The following RDH10 variants were observed in gnomAD, a reference collection of about 807,000 sequenced individuals.
RDH10 encodes the protein retinol dehydrogenase 10 (all-trans).
In RDH10, 12 loss-of-function variants were observed where a neutral mutation model predicts 30.2. The observed-to-expected ratio is 0.40, with a 90% CI of 0.25 to 0.64. The LOEUF is 0.64. RDH10 is among the 30% of genes least tolerant of loss of function. The pLI, the probability that RDH10 is intolerant of heterozygous loss-of-function variation, is 0.43. For missense variants in RDH10, 268 were observed against 445.2 expected, an observed-to-expected ratio of 0.60 and a Z score of 3.58; for synonymous variants, 189 against 172.2, an observed-to-expected ratio of 1.10 and a Z score of -0.76.
intron 2 of RDH10, among the ~76,000 whole-genome samples, chr8:73,304,139 T>G (rs1390447171): frequency 6.6e-6 from 1 of 152,226 alleles, no homozygotes; most frequent in Non-Finnish European, 1.5e-5. Context: ...TTTGTCGTGC[T>G]TCTCTGTCTG....
At position 73,305,504 on chromosome 8, in the gene RDH10, A is replaced by G. The variant is rs1396440039; in HGVS notation, c.525+8075A>G. Among the ~76,000 whole-genome samples the G allele has an allele frequency of 1.3e-5, 2 of 152,194 alleles. 1 individual carries two copies. The highest frequency in any genetic ancestry group is 4.1e-4 in the South Asian group (2 of 4,826). ...CTCTTTCAATTATGGTAAGTAGTCT[A>G]TTTGCATGTGTCTAATCCAGATGTC... On this transcript the variant is annotated intron_variant, in intron 2 of 5. Transcript: ENST00000240285.
chr8:73,298,916 G>A (rs1200327912), intron 2 of RDH10, among the ~76,000 whole-genome samples: 1 of 152,198 alleles, frequency 6.6e-6, no homozygotes, highest in Non-Finnish European at 1.5e-5. Context: ...CCAGGTTCAA[G>A]CAATTCTCCT....
At chr8:73,312,395 G>A (rs1005119186) in intron 2 of RDH10, 8 of 152,224 alleles carry the variant, frequency 5.3e-5, no homozygotes, top group African/African-American at 1.9e-4. Flanking sequence ...AACATCAGCA[G>A]TTAGTACTTA....
At chr8:73,316,542 CAT>C (rs376825930) in intron 2 of RDH10, among the ~76,000 whole-genome samples, 55 of 152,228 alleles carry the variant, frequency 3.6e-4, no homozygotes, top group African/African-American at 1.2e-3. Context: ...CAAGCTGAAA[CAT>C]GTGTCTCTCT....
intron 2 of RDH10, among the ~76,000 whole-genome samples, chr8:73,301,039 A>ATTTTTTTTTTTTTTTTTTTTT (rs1563547188): frequency 1.0e-5 from 1 of 98,800 alleles, no homozygotes; most frequent in African/African-American, 4.0e-5. Flanking sequence ...ACAAAACTCT[A>ATTTTTTTTTTTTTTTTTTTTT]TTCTTTTTTT....
intron 2 of RDH10, among the ~76,000 whole-genome samples, chr8:73,309,492 A>G (rs1166686936): frequency 6.6e-6 from 1 of 152,152 alleles, no homozygotes; most frequent in African/African-American, 2.4e-5. Flanking sequence ...AATATATCAG[A>G]CTTGTTGGAT....
At chr8:73,299,242 G>A (rs917768709) in intron 2 of RDH10, among the ~76,000 whole-genome samples, 2 of 152,222 alleles carry the variant, frequency 1.3e-5, no homozygotes, top group Non-Finnish European at 2.9e-5. Context: ...CTTGCCTGTA[G>A]GTGTGTGTTG....
intron 2 of RDH10, among the ~76,000 whole-genome samples, chr8:73,305,270 T>A (rs566707344): frequency 4.1e-4 from 63 of 152,358 alleles, no homozygotes; most frequent in African/African-American, 1.4e-3. Flanking sequence ...ATTTTTGAGA[T>A]CTTTGGGAAA....
Position 73,320,463 on chromosome 8 carries a change from GTTTTTGTTTTTGTT to G in RDH10, c.625-463_625-450del, listed in dbSNP as rs749179668. Among the ~76,000 whole-genome samples, 711 of 126,020 alleles carry G rather than the reference GTTTTTGTTTTTGTT, an allele frequency of 5.6e-3. 5 individuals are homozygous for G. Among genetic ancestry groups the G allele is most frequent in the South Asian group, 0.018 (74 of 4,094 alleles). The allele number at this position is 126,020 out of a possible 152,430, so 82.7% of individuals were successfully genotyped here. ...GTGTTTTTTTTTTGTTTTTGTTTTT[GTTTTTGTTTTTGTT>G]TTTTTTTTTTTGAGACAGAGTCTCA... is the stretch of plus-strand genomic sequence containing the variant. On this transcript the variant is annotated intron_variant, in intron 3 of 5. Transcript: ENST00000240285.
chr8:73,315,001 A>G (rs1170264703), intron 2 of RDH10, among the ~76,000 whole-genome samples: 1 of 152,230 alleles, frequency 6.6e-6, no homozygotes, highest in Non-Finnish European at 1.5e-5. Flanking sequence ...ACAACCAGCC[A>G]GCATGTGTCG....
chr8:73,309,562 A>G (rs1014224245), intron 2 of RDH10, among the ~76,000 whole-genome samples: 3 of 149,660 alleles, frequency 2.0e-5, no homozygotes, highest in Non-Finnish European at 4.4e-5. Context: ...GGTTTGAAGT[A>G]TAGAAACTAA....
chr8:73,305,290 A>G (rs1057264561), intron 2 of RDH10, among the ~76,000 whole-genome samples: 15 of 152,232 alleles, frequency 9.9e-5, no homozygotes, highest in Non-Finnish European at 2.9e-5. Flanking sequence ...ATTCTAATGA[A>G]TCGGTTTTAG....
rs138161222 is a variant in RDH10, at chr8:73,295,818, G to C, written c.289+240G>C. On this transcript the variant is annotated intron_variant, in intron 1 of 5. Transcript: ENST00000240285. Reference sequence around the variant, plus strand: ...GGTTCGGTCTCTGGGGACCACGGCGGGGGGAGGGGGCGGGTTTCCTAAGCC... The same window carrying C: ...GGTTCGGTCTCTGGGGACCACGGCGCGGGGAGGGGGCGGGTTTCCTAAGCC... 1.4e-3 allele frequency: 1,643 copies of C among 1,216,768 alleles called. 52 individuals carry two copies. In the South Asian group the frequency reaches 0.04, roughly 30 times the overall value. The allele number at this position is 1,216,768 out of a possible 1,614,324, so 75.4% of individuals were successfully genotyped here.
chr8:73,323,050 T>C lies in RDH10; in HGVS notation c.*14T>C. 1 of 1,603,708 alleles carries C rather than the reference T, an allele frequency of 6.2e-7. No homozygotes were observed. Among genetic ancestry groups the C allele is most frequent in the South Asian group, 1.1e-5 (1 of 90,808 alleles). ...AATGGAATCTAAGAATCTTTTTGTA[T>C]GGAATATTACTTCTATCAGAAGATG... On this transcript the variant is annotated 3_prime_UTR_variant, in exon 6 of 6. Transcript: ENST00000240285.
At chr8:73,314,340 G>C (rs989294068) in intron 2 of RDH10, among the ~76,000 whole-genome samples, 4 of 152,212 alleles carry the variant, frequency 2.6e-5, no homozygotes, top group African/African-American at 9.6e-5. Context: ...TCCTGAAAAT[G>C]TGATGCTTTC....
chr8:73,304,338 C>CT (rs980050067), intron 2 of RDH10, among the ~76,000 whole-genome samples: 2 of 152,180 alleles, frequency 1.3e-5, no homozygotes, highest in African/African-American at 4.8e-5. Flanking sequence ...TGCCCCTGTG[C>CT]TTTGATTGAT....
rs117006371 is a variant in RDH10, at chr8:73,315,063, A to T, written c.526-4033A>T. On this transcript the variant is annotated intron_variant, in intron 2 of 5. Transcript: ENST00000240285. ...ATTTCTCCAAATGTTTATAGCCCAC[A>T]GTTGGAAAAGATTTTTTTCACATAG... Among the ~76,000 whole-genome samples, 1,312 of 152,182 alleles carry T rather than the reference A, an allele frequency of 8.6e-3. 47 individuals are homozygous for T. In the East Asian group the frequency reaches 0.13, roughly 15 times the overall value.
intron 4 of RDH10, chr8:73,321,918 C>T (rs559769286): frequency 2.2e-6 from 1 of 456,262 alleles, no homozygotes; most frequent in South Asian, 1.5e-5. Flanking sequence ...AAAATGGACT[C>T]TAGCTCTGCC....
At chr8:73,309,225 C>T (rs749717340) in intron 2 of RDH10, among the ~76,000 whole-genome samples, 5 of 152,110 alleles carry the variant, frequency 3.3e-5, no homozygotes, top group Non-Finnish European at 5.9e-5. Flanking sequence ...GGTTGCTCTG[C>T]CCAGGGTGGA....
Sources: allele counts gnomAD v4.1 joint callset (sites outside exome capture counted in the v4.1 genomes callset), GRCh38; gene constraint gnomAD v4.1.1; transcripts MANE v1.5; gene names NCBI Gene and HGNC (gene_info 2026-07-23, HGNC 2026-07-21).